GDPD4: variants seen among roughly 807,000 people sequenced by gnomAD.
The protein encoded by GDPD4 is glycerophosphodiester phosphodiesterase domain containing 4, also known as glycerophosphodiester phosphodiesterase 6.
Under a neutral mutation model 67.8 loss-of-function variants are expected in GDPD4, and 60 were observed. The ratio of observed to expected loss-of-function variants is 0.88; its 90% CI spans 0.72 to 1.10. GDPD4 has a LOEUF of 1.10. GDPD4 is among the 50% of genes least tolerant of loss of function. The pLI, the probability that GDPD4 is intolerant of heterozygous loss-of-function variation, is 0.00. For missense variants in GDPD4, 623 were observed against 613.9 expected (o/e 1.01, Z -0.16); for synonymous variants, 212 against 210.9 (o/e 1.00, Z -0.04).
At chr11:77,231,866 G>A (rs1194724050) in intron 14 of GDPD4, among the ~76,000 whole-genome samples, 1 of 152,180 alleles carries the variant, frequency 6.6e-6, no homozygotes, top group Non-Finnish European at 1.5e-5. Flanking sequence ...TGAGTGACCT[G>A]CCATCCAAAG....
chr11:77,266,933 G>C (rs879743719), intron 10 of GDPD4, among the ~76,000 whole-genome samples: 2 of 152,134 alleles, frequency 1.3e-5, no homozygotes, highest in African/African-American at 2.4e-5. Flanking sequence ...TGCAATCTAA[G>C]TGAACAGTGT....
chr11:77,240,883 C>T (rs1958650635), intron 13 of GDPD4, among the ~76,000 whole-genome samples: 1 of 152,128 alleles, frequency 6.6e-6, no homozygotes, highest in African/African-American at 2.4e-5. Flanking sequence ...ATATCTCACA[C>T]CTCTCAAAAT....
Position 77,253,558 on chromosome 11 carries a change from C to T in GDPD4, c.864+4828G>A, listed in dbSNP as rs148233030. Among the ~76,000 whole-genome samples, 40 of 152,188 alleles carry T rather than the reference C, an allele frequency of 2.6e-4. 1 individual carries two copies. Among genetic ancestry groups the T allele is most frequent in the African/African-American group, 9.2e-4 (38 of 41,524 alleles). On this transcript the variant is annotated intron_variant, in intron 11 of 16. Coordinates refer to ENST00000315938, the MANE Select transcript of GDPD4 (RefSeq NM_182833.3). ...ACTACAATTGTTTGGCCTGTAGGGT[C>T]GGGTATCTCTCCTCAGACACTGGTT... is the stretch of plus-strand genomic sequence containing the variant.
At chr11:77,281,141 G>T (rs1387478793) in intron 3 of GDPD4, among the ~76,000 whole-genome samples, 3 of 152,106 alleles carry the variant, frequency 2.0e-5, no homozygotes, top group Non-Finnish European at 4.4e-5. Context: ...CTTTACTGGG[G>T]CAGCCTAGTC....
At chr11:77,251,082 A>G (rs1187285710) in intron 11 of GDPD4, among the ~76,000 whole-genome samples, 1 of 152,066 alleles carries the variant, frequency 6.6e-6, no homozygotes, top group African/African-American at 2.4e-5. Context: ...TAGTTGAGTC[A>G]TTTCCTTTAT....
chr11:77,239,719 G>T (rs1319051122), intron 13 of GDPD4, among the ~76,000 whole-genome samples: 3 of 152,162 alleles, frequency 2.0e-5, no homozygotes, highest in Non-Finnish European at 4.4e-5. Context: ...CCAGCACTTT[G>T]GGGGGCTGAG....
At chr11:77,225,861 GT>G (rs1958325563) in intron 16 of GDPD4, among the ~76,000 whole-genome samples, 1 of 152,196 alleles carries the variant, frequency 6.6e-6, no homozygotes, top group African/African-American at 2.4e-5. Context: ...GATCTGGGCT[GT>G]GGTTATGGCT....
rs966259294 is a variant in GDPD4 at position 77,269,001 on chromosome 11, T to A, written c.547A>T (p.Ile183Phe). 8 of 1,613,328 alleles carry A rather than the reference T, an allele frequency of 5.0e-6. 1 individual carries two copies. The East Asian group carries it at 1.6e-4, about 31-fold the overall frequency. ...LLGLYLMPLGIYSPCIQEKEN... is the reference protein window; with the variant it reads ...LLGLYLMPLGFYSPCIQEKEN... ...TTCTCCTGAATGCAGGGAGAATAAA[T>A]CCCCAGTGGCATCAAATAGAGACCT... The change falls in exon 9 of 17, where the codon ATT becomes TTT. Residue 183 changes from isoleucine to phenylalanine, a missense_variant. Ile to Phe is a conservative substitution (Grantham distance 21). Transcript: ENST00000315938.
rs1398753478 is a variant in GDPD4, at chr11:77,245,519, C to CA, written c.865-18dup. 1 of 1,571,936 alleles carries CA rather than the reference C, an allele frequency of 6.4e-7. No homozygotes were observed. Among genetic ancestry groups the CA allele is most frequent in the South Asian group, 1.1e-5 (1 of 89,688 alleles). On this transcript the variant is annotated splice_polypyrimidine_tract_variant and intron_variant, in intron 11 of 16. Transcript: ENST00000315938. Reference sequence around the variant, plus strand: ...TGGCCTGAGCTAGAAACAAATACATCAAAAAATACATAAAAGCACTTTCCA... The same window carrying CA: ...TGGCCTGAGCTAGAAACAAATACATCAAAAAAATACATAAAAGCACTTTCCA...
At chr11:77,231,776 T>TA (rs1268596114) in intron 14 of GDPD4, among the ~76,000 whole-genome samples, 2 of 152,186 alleles carry the variant, frequency 1.3e-5, no homozygotes, top group African/African-American at 4.8e-5. Flanking sequence ...GACTGGATTT[T>TA]AAAATGTTAG....
intron 4 of GDPD4, among the ~76,000 whole-genome samples, chr11:77,277,312 A>G (rs1159253705): frequency 6.6e-6 from 1 of 151,510 alleles, no homozygotes; most frequent in Non-Finnish European, 1.5e-5. Flanking sequence ...CTAAAATAGA[A>G]AACTGATTTA....
chr11:77,232,022 A>AC (rs1311293452), intron 14 of GDPD4, among the ~76,000 whole-genome samples: 1 of 152,108 alleles, frequency 6.6e-6, no homozygotes, highest in Non-Finnish European at 1.5e-5. Flanking sequence ...CCTGGTCCTG[A>AC]CCCTGAACAG....
chr11:77,232,005 C>G (rs1467335868), intron 14 of GDPD4, among the ~76,000 whole-genome samples: 1 of 152,144 alleles, frequency 6.6e-6, no homozygotes, highest in Admixed American at 6.5e-5. Flanking sequence ...CTCTGGATCC[C>G]TTTTCCCCTG....
At chr11:77,291,127 A>G (rs1937757809) in intron 1 of GDPD4, among the ~76,000 whole-genome samples, 1 of 152,236 alleles carries the variant, frequency 6.6e-6, no homozygotes. Flanking sequence ...CTAAGTGTCC[A>G]TTAATGGACA....
intron 14 of GDPD4, among the ~76,000 whole-genome samples, chr11:77,229,716 T>C (rs979578703): frequency 6.6e-5 from 10 of 152,254 alleles, no homozygotes; most frequent in African/African-American, 2.4e-4. Context: ...TCCCAGGTGA[T>C]GCTGAAGCCA....
At chr11:77,244,324 G>A (rs913346229) in intron 12 of GDPD4, among the ~76,000 whole-genome samples, 2 of 152,106 alleles carry the variant, frequency 1.3e-5, no homozygotes, top group Non-Finnish European at 2.9e-5. Context: ...GAGCCACCGC[G>A]CCCAGCCCTG....
chr11:77,281,535 C>A (rs1364047693), intron 3 of GDPD4, among the ~76,000 whole-genome samples: 1 of 152,162 alleles, frequency 6.6e-6, no homozygotes, highest in Non-Finnish European at 1.5e-5. Context: ...CATCAGATAT[C>A]TACCAGACAG....
intron 13 of GDPD4, among the ~76,000 whole-genome samples, chr11:77,234,931 C>T (rs1420758809): frequency 6.6e-6 from 1 of 151,202 alleles, no homozygotes; most frequent in East Asian, 1.9e-4. Flanking sequence ...AAACTGCTTT[C>T]CCCAGGGGCT....
intron 14 of GDPD4, 74 bp from the exon 15 acceptor site, chr11:77,229,306 G>A (rs1958409343): frequency 1.2e-6 from 1 of 850,492 alleles, no homozygotes; most frequent in African/African-American, 1.7e-5. Context: ...TAAGTCCCTT[G>A]CTCTGCTGCC....
Sources: gnomAD v4.1 joint callset for allele counts (sites outside exome capture counted in the v4.1 genomes callset) on GRCh38, gnomAD v4.1.1 for gene constraint, MANE v1.5 for transcripts, NCBI Gene and HGNC (gene_info 2026-07-23, HGNC 2026-07-21) for gene names.